The following TEF variants were observed in gnomAD, a reference collection of about 807,000 sequenced individuals.
TEF encodes TEF transcription factor, PAR bZIP family member.
Under a neutral mutation model 20.8 loss-of-function variants are expected in TEF, and 3 were observed. That is an observed-to-expected ratio of 0.14 (90% CI 0.07 to 0.37). TEF has a LOEUF of 0.37. Ranked by LOEUF, TEF falls within the 10% of genes least tolerant of loss-of-function variation. The pLI is 1.00. For missense variants in TEF, 296 were observed against 397.9 expected, an observed-to-expected ratio of 0.74 and a Z score of 2.18; for synonymous variants, 180 against 171.1, an observed-to-expected ratio of 1.05 and a Z score of -0.41.
At position 41,396,107 on chromosome 22, in the gene TEF, T is replaced by C; in HGVS notation, c.*147T>C. 2.4e-6 allele frequency: 2 copies of C among 837,128 alleles called. No homozygotes were observed. Among genetic ancestry groups the C allele is most frequent in the Non-Finnish European group, 3.7e-6 (2 of 545,214 alleles). 51.9% of individuals were successfully genotyped at this position (837,128 alleles called of 1,614,324 possible). On this transcript the variant is annotated 3_prime_UTR_variant, in exon 4 of 4. Coordinates refer to ENST00000266304, the MANE Select transcript of TEF (RefSeq NM_003216.4). ...CTGCAGGAGCGGCCACGTCTCAGCT[T>C]CATTATACCATGGCCTGCGCACGTG...
In TEF at chr22:41,394,243, T is replaced by C; in HGVS notation, c.623T>C (p.Phe208Ser). ...GELFNPRKHK[F>S]AEEDLKPQPM... ...CTCTTCAACCCTCGGAAGCACAAGTTTGCTGAGGAGGACCTGAAGCCCCAG... is the reference window on the plus strand; with the variant it reads ...CTCTTCAACCCTCGGAAGCACAAGTCTGCTGAGGAGGACCTGAAGCCCCAG... Residue 208 changes from phenylalanine (F) to serine (S), a missense_variant, in exon 3 of 4, where the codon TTT becomes TCT. By Grantham distance (155) the Phe-to-Ser change is radical. This residue lies in a region of TEF where 194 missense variants were observed against 317.8 expected (regional missense o/e 0.61). Coordinates refer to ENST00000266304, the MANE Select transcript of TEF (RefSeq NM_003216.4). The C allele has an allele frequency of 6.2e-7, 1 of 1,614,128 alleles. No homozygotes were observed. Among genetic ancestry groups the C allele is most frequent in the Non-Finnish European group, 8.5e-7 (1 of 1,180,026 alleles).
At chr22:41,392,882 C>A (rs895896503) in intron 2 of TEF, among the ~76,000 whole-genome samples, 3 of 151,580 alleles carry the variant, frequency 2.0e-5, no homozygotes, top group African/African-American at 7.3e-5. Flanking sequence ...ACTAAAAATA[C>A]AAAAACTAGC....
At position 41,387,983 on chromosome 22, in the gene TEF, C is replaced by CTTTTTTT. The variant is rs530707936; in HGVS notation, c.475+341_475+347dup. ...CATTCTGCATTTCCTCAATGCTGCT[C>CTTTTTTT]TTTTTTTTTTTTTTTTTTTTTTTTT... On this transcript the variant is annotated intron_variant, in intron 2 of 3. Transcript: ENST00000266304. Among the ~76,000 whole-genome samples the CTTTTTTT allele has an allele frequency of 7.8e-3, 391 of 50,120 alleles. 102 individuals carry two copies. Among genetic ancestry groups the CTTTTTTT allele is most frequent in the Non-Finnish European group, 0.01 (298 of 28,970 alleles). 32.9% of individuals were successfully genotyped at this position (50,120 alleles called of 152,430 possible).
At chr22:41,372,619 G>A (rs2036895727) in intron 1 of TEF, among the ~76,000 whole-genome samples, 1 of 152,124 alleles carries the variant, frequency 6.6e-6, no homozygotes, top group African/African-American at 2.4e-5. Flanking sequence ...CATGTCTCGG[G>A]TCGTAGCTCT....
At chr22:41,394,544 G>A (rs949136080) in intron 3 of TEF, among the ~76,000 whole-genome samples, 6 of 152,180 alleles carry the variant, frequency 3.9e-5, no homozygotes, top group Admixed American at 6.5e-5. Flanking sequence ...CTCCTTCCCC[G>A]GGCCATCGGC....
At chr22:41,385,090 C>T (rs73176685) in intron 1 of TEF, among the ~76,000 whole-genome samples, 4 of 151,960 alleles carry the variant, frequency 2.6e-5, no homozygotes, top group Non-Finnish European at 5.9e-5. Context: ...CTGGCCAGGC[C>T]CTGTGGCTTA....
rs911788775 is a variant in TEF at position 41,398,030 on chromosome 22, C to G, written c.*2070C>G. ...TATCCCGCCCTCTGCCTGTTTGGTG[C>G]CCTCCCTTCTTTCCCCCAGGCAGTG... On this transcript the variant is annotated 3_prime_UTR_variant, in exon 4 of 4. Coordinates refer to ENST00000266304, the MANE Select transcript of TEF (RefSeq NM_003216.4). The G allele has an allele frequency of 2.0e-5, 3 of 152,016 alleles. No individual in the cohort carries two copies. Among genetic ancestry groups the G allele is most frequent in the African/African-American group, 7.2e-5 (3 of 41,402 alleles). The allele number at this position is 152,016 out of a possible 1,614,324, so 9.4% of individuals were successfully genotyped here. A position where few individuals can be genotyped will look rare whatever the true frequency, so the allele number is the denominator to read the frequency against.
Position 41,387,777 on chromosome 22 carries a change from G to T in TEF, c.475+109G>T, listed in dbSNP as rs2037115784. 5 of 1,119,658 alleles carry T rather than the reference G, an allele frequency of 4.5e-6. No homozygotes were observed. In the South Asian group the frequency reaches 4.5e-5, roughly 10 times the overall value. The allele number at this position is 1,119,658 out of a possible 1,614,324, so 69.4% of individuals were successfully genotyped here. The stretch of plus-strand genomic sequence containing the variant: ...CCAGTGAGTCCCTTCTCTGAGGGGA[G>T]GTCCTGGTGGGGCTGCAGTGTGGAG... On this transcript the variant is annotated intron_variant, in intron 2 of 3. Transcript: ENST00000266304.
Position 41,373,833 on chromosome 22 carries a change from G to C in TEF, c.67+6234G>C, listed in dbSNP as rs562932915. On this transcript the variant is annotated intron_variant, in intron 1 of 3. Transcript: ENST00000406644. ...GGCTGGAGTGCAATGGTGTGGCCTC[G>C]GCTCACTGCAACCTCTGCCTCCAGG... Among the ~76,000 whole-genome samples, 6 of 148,620 alleles carry C rather than the reference G, an allele frequency of 4.0e-5. No individual in the cohort carries two copies. In the East Asian group the frequency reaches 1.2e-3, roughly 29 times the overall value.
upstream of TEF, among the ~76,000 whole-genome samples, chr22:41,380,024 C>T (rs867837913): frequency 1.1e-3 from 169 of 152,218 alleles, 1 homozygote; most frequent in African/African-American, 3.9e-3. Flanking sequence ...GCAGTGAGAG[C>T]TTGAATTTTG....
chr22:41,394,119 G>A lies in TEF; in HGVS notation c.499G>A (p.Glu167Lys), dbSNP rs750814353. The part of the protein sequence containing the change: ...STESSLEKER[E>K]TPSPIDPNCV... ...AGAATCTTCCCTGGAGAAGGAGAGG[G>A]AGACTCCCAGTCCCATCGACCCCAA... The change falls in exon 3 of 4, where the codon GAG (glutamate) becomes AAG (lysine). Residue 167 changes from glutamate (E) to lysine (K), a missense_variant. Glu to Lys is a moderately conservative substitution (Grantham distance 56, BLOSUM62 1). This residue lies in a region of TEF where 194 missense variants were observed against 317.8 expected (regional missense o/e 0.61). Transcript: ENST00000266304. 6.2e-7 allele frequency: 1 copy of A among 1,614,124 alleles called. No individual in the cohort carries two copies. Among genetic ancestry groups the A allele is most frequent in the Non-Finnish European group, 8.5e-7 (1 of 1,180,016 alleles).
chr22:41,368,871 C>T (rs1418026079), intron 1 of TEF, among the ~76,000 whole-genome samples: 1 of 152,196 alleles, frequency 6.6e-6, no homozygotes, highest in Non-Finnish European at 1.5e-5. Flanking sequence ...CTCAGCGAAG[C>T]CCTCTGCAAC....
At chr22:41,380,283 C>G (rs998453163), upstream of TEF, among the ~76,000 whole-genome samples, 1 of 152,192 alleles carries the variant, frequency 6.6e-6, no homozygotes, top group Admixed American at 6.5e-5. Flanking sequence ...TTCCCCAGTA[C>G]CTGGGATTAC....
chr22:41,387,392 G>A lies in TEF; in HGVS notation c.199G>A (p.Ala67Thr), dbSNP rs749723725. The change falls in exon 2 of 4, where the codon GCA becomes ACA. Residue 67 changes from alanine (A) to threonine (T), a missense_variant. Coordinates refer to ENST00000266304, the MANE Select transcript of TEF (RefSeq NM_003216.4). Reference sequence around the variant, plus strand: ...GGAAAAGCTGGAGGAGGACGAGGCCGCAGCCGCCAGCACCATGGCTGTCTC... The same window carrying A: ...GGAAAAGCTGGAGGAGGACGAGGCCACAGCCGCCAGCACCATGGCTGTCTC... ...GKEKLEEDEA[A>T]AASTMAVSAS... The A allele has an allele frequency of 6.8e-6, 11 of 1,614,234 alleles. No individual in the cohort carries two copies. Among genetic ancestry groups the A allele is most frequent in the South Asian group, 3.3e-5 (3 of 91,090 alleles).
upstream of TEF, among the ~76,000 whole-genome samples, chr22:41,379,272 C>T (rs2036984244): frequency 6.6e-6 from 1 of 151,820 alleles, no homozygotes; most frequent in African/African-American, 2.4e-5. Context: ...CGGGAGGCAG[C>T]GCTTGCAGTG....
At position 41,394,244 on chromosome 22, in the gene TEF, T is replaced by A; in HGVS notation, c.624T>A (p.Phe208Leu). 1 of 1,614,172 alleles carries A rather than the reference T, an allele frequency of 6.2e-7. No homozygotes were observed. The highest frequency in any genetic ancestry group is 8.5e-7 in the Non-Finnish European group (1 of 1,180,036). Residue 208 changes from phenylalanine to leucine, a missense_variant, in exon 3 of 4, where the codon TTT becomes TTA. Coordinates refer to ENST00000266304, the MANE Select transcript of TEF (RefSeq NM_003216.4). The part of the protein sequence containing the change: ...GELFNPRKHK[F>L]AEEDLKPQPM... Reference sequence around the variant, plus strand: ...TCTTCAACCCTCGGAAGCACAAGTTTGCTGAGGAGGACCTGAAGCCCCAGC... The same window carrying A: ...TCTTCAACCCTCGGAAGCACAAGTTAGCTGAGGAGGACCTGAAGCCCCAGC...
In TEF at chr22:41,382,097, C is replaced by G; in HGVS notation, c.53C>G (p.Pro18Arg). Reference protein sequence around the residue: ...KKPPVDPQAGPGPGPGRAAGE... With the variant: ...KKPPVDPQAGRGPGPGRAAGE... ...CCGCCTGTGGACCCGCAGGCAGGAC[C>G]CGGTCCGGGGCCGGGGCGCGCAGCT... is the stretch of plus-strand genomic sequence containing the variant. The change falls in exon 1 of 4, where the codon CCC (proline) becomes CGC (arginine). Residue 18 changes from proline to arginine, a missense_variant. This residue lies in a region of TEF where 102 missense variants were observed against 80.1 expected (regional missense o/e 1.27). Transcript: ENST00000266304. The G allele has an allele frequency of 8.1e-7, 1 of 1,232,374 alleles. No homozygotes were observed. Among genetic ancestry groups the G allele is most frequent in the Non-Finnish European group, 1.0e-6 (1 of 987,880 alleles). 76.3% of individuals were successfully genotyped at this position (1,232,374 alleles called of 1,614,324 possible).
chr22:41,382,484 C>A (rs1029852567), intron 1 of TEF, among the ~76,000 whole-genome samples: 1 of 151,096 alleles, frequency 6.6e-6, no homozygotes, highest in Middle Eastern at 3.2e-3. Flanking sequence ...CAGGGCCCCT[C>A]CCCCGGGGCC....
At position 41,375,472 on chromosome 22, in the gene TEF, C is replaced by T. The variant is rs141743933; in HGVS notation, c.67+7873C>T. On this transcript the variant is annotated intron_variant, in intron 1 of 3. Coordinates refer to the TEF transcript ENST00000406644. ...ATGTTATTAATGCTCCAAATGCGGCCGGGCGTGGTGGCACACGCCTGTAAT... is the reference window on the plus strand; with the variant it reads ...ATGTTATTAATGCTCCAAATGCGGCTGGGCGTGGTGGCACACGCCTGTAAT... Among the ~76,000 whole-genome samples, 7 of 152,194 alleles carry T rather than the reference C, an allele frequency of 4.6e-5. No homozygotes were observed. In the East Asian group the frequency reaches 5.8e-4, roughly 13 times the overall value.
Sources: allele counts gnomAD v4.1 joint callset (sites outside exome capture counted in the v4.1 genomes callset), GRCh38; gene constraint gnomAD v4.1.1; regional missense constraint gnomAD v4.1.1; transcripts MANE v1.5; gene names NCBI Gene and HGNC (gene_info 2026-07-23, HGNC 2026-07-21).